The following SLC19A2 variants were observed in gnomAD, a reference collection of about 807,000 sequenced individuals.
SLC19A2 encodes thiamine transporter 1.
SLC19A2 carries 27 observed loss-of-function variants against 44.7 expected under a neutral mutation model. The observed-to-expected ratio is 0.60, with a 90% confidence interval of 0.45 to 0.83. The LOEUF (loss-of-function observed/expected upper bound fraction) is 0.83, where lower values mean the gene tolerates loss of function less well. Among genes scored for constraint, SLC19A2 ranks in the 40% least tolerant of loss-of-function variants. The pLI is 0.00. For synonymous variants in SLC19A2, 239 were observed against 243.6 expected, an observed-to-expected ratio of 0.98 and a Z score of 0.18; for missense variants, 566 against 613.7, an observed-to-expected ratio of 0.92 and a Z score of 0.82.
chr1:169,477,768 G>GAA lies in SLC19A2; in HGVS notation c.205-12_205-11insTT. The GAA allele has an allele frequency of 2.6e-6, 4 of 1,542,144 alleles. No homozygotes were observed. Among genetic ancestry groups the GAA allele is most frequent in the African/African-American group, 1.5e-5 (1 of 68,580 alleles). ...AATTTCATTGAAGACCTGGTAGAAA[G>GAA]AGAAAAAAAAAAAACAAAAAACATT... On this transcript the variant is annotated splice_polypyrimidine_tract_variant and intron_variant, in intron 1 of 5. Coordinates refer to ENST00000236137, the MANE Select transcript of SLC19A2 (RefSeq NM_006996.3).
At chr1:169,475,002 A>C (rs1182000008) in intron 2 of SLC19A2, among the ~76,000 whole-genome samples, 2 of 152,212 alleles carry the variant, frequency 1.3e-5, no homozygotes, top group Non-Finnish European at 2.9e-5. Flanking sequence ...GTTCAAGAGT[A>C]TATTTGTACA....
In SLC19A2 at chr1:169,477,304, T is replaced by C; in HGVS notation, c.658A>G (p.Ile220Val). 1.9e-6 allele frequency: 3 copies of C among 1,614,144 alleles called. No individual in the cohort carries two copies. The highest frequency in any genetic ancestry group is 1.7e-6 in the Non-Finnish European group (2 of 1,180,034). The part of the protein sequence containing the change: ...MPQKSLFFHH[I>V]PSTCQRVNGI... ...TTCACTCTCTGGCAGGTAGAAGGAA[T>C]GTGGTGAAAGAAGAGGCTCTTCTGT... The change falls in exon 2 of 6, where the codon ATT (isoleucine) becomes GTT (valine). Residue 220 changes from isoleucine (I) to valine (V), a missense_variant. Transcript: ENST00000236137.
Position 169,468,253 on chromosome 1 carries a change from CT to C in SLC19A2, c.1224-2del. The C allele has an allele frequency of 6.2e-7, 1 of 1,609,634 alleles. No individual in the cohort carries two copies. The highest frequency in any genetic ancestry group is 8.5e-7 in the Non-Finnish European group (1 of 1,177,856). The stretch of plus-strand genomic sequence containing the variant: ...GCTGAGGTTTGCAGCAATTTGAAAA[CT>C]TAAAAAAAAATAAAAGAGTGAATAA... On this transcript the variant is annotated splice_acceptor_variant, in intron 4 of 5. Transcript: ENST00000236137. LOFTEE classifies it high-confidence loss of function.
In SLC19A2 at chr1:169,465,581, C is replaced by G; in HGVS notation, c.*268G>C. The G allele has an allele frequency of 2.3e-6, 1 of 442,472 alleles. No individual in the cohort carries two copies. The highest frequency in any genetic ancestry group is 4.2e-6 in the Non-Finnish European group (1 of 239,784). The allele number at this position is 442,472 out of a possible 1,614,324, so 27.4% of individuals were successfully genotyped here. A position where few individuals can be genotyped will look rare whatever the true frequency, so the allele number is the denominator to read the frequency against. Reference sequence around the variant, plus strand: ...CATGTGCTGCTTTGATTGCTCTTGACTGGTTTTTAAAATCAAGTTCACTTT... The same window carrying G: ...CATGTGCTGCTTTGATTGCTCTTGAGTGGTTTTTAAAATCAAGTTCACTTT... On this transcript the variant is annotated 3_prime_UTR_variant, in exon 6 of 6. Transcript: ENST00000236137.
At chr1:169,472,083 C>T (rs1021101426) in intron 2 of SLC19A2, among the ~76,000 whole-genome samples, 2 of 152,154 alleles carry the variant, frequency 1.3e-5, no homozygotes, top group African/African-American at 4.8e-5. Flanking sequence ...AGAAGTACAA[C>T]ATACTGCTGT....
Position 169,480,678 on chromosome 1 carries a change from T to C in SLC19A2, c.205-2921A>G, listed in dbSNP as rs1340550203. On this transcript the variant is annotated intron_variant, in intron 1 of 5. Coordinates refer to ENST00000236137, the MANE Select transcript of SLC19A2 (RefSeq NM_006996.3). The stretch of plus-strand genomic sequence containing the variant: ...TCACAATTTCCCCAACATAGCACCA[T>C]GAAGTACTAGCCATTAAACCTTTCC... Among the ~76,000 whole-genome samples the C allele has an allele frequency of 2.0e-5, 3 of 152,136 alleles. No individual in the cohort carries two copies. The East Asian group carries it at 5.8e-4, about 29-fold the overall frequency.
intron 1 of SLC19A2, among the ~76,000 whole-genome samples, chr1:169,478,460 G>T (rs1028155397): frequency 8.1e-5 from 12 of 147,778 alleles, no homozygotes; most frequent in Non-Finnish European, 1.5e-4. Context: ...AGGCTCAGGT[G>T]ATCCTTCCAC....
intron 5 of SLC19A2, among the ~76,000 whole-genome samples, chr1:169,467,586 G>A (rs745781399): frequency 2.8e-4 from 42 of 152,092 alleles, no homozygotes; most frequent in Admixed American, 1.6e-3. Flanking sequence ...ATTCCTGAAC[G>A]TAAAAAGTAT....
rs938281333 is a variant in SLC19A2, at chr1:169,464,057, AT to A, written c.*1791del. Reference sequence around the variant, plus strand: ...GTACAACTTGCACATTGAGTTCAGCATTCTATAAATATGGCCACATACCAAG... The same window carrying A: ...GTACAACTTGCACATTGAGTTCAGCATCTATAAATATGGCCACATACCAAG... On this transcript the variant is annotated 3_prime_UTR_variant, in exon 6 of 6. Transcript: ENST00000236137. 1 of 152,726 alleles carries A rather than the reference AT, an allele frequency of 6.5e-6. No individual in the cohort carries two copies. Among genetic ancestry groups the A allele is most frequent in the African/African-American group, 2.4e-5 (1 of 41,578 alleles). The allele number at this position is 152,726 out of a possible 1,614,324, so 9.5% of individuals were successfully genotyped here.
rs1177107305 is a variant in SLC19A2 at position 169,470,299 on chromosome 1, GCTTA to G, written c.808-117_808-114del. 4.2e-5 allele frequency: 35 copies of G among 841,816 alleles called. No individual in the cohort carries two copies. In the African/African-American group the frequency reaches 5.7e-4, roughly 14 times the overall value. The allele number at this position is 841,816 out of a possible 1,614,324, so 52.1% of individuals were successfully genotyped here. Reference sequence around the variant, plus strand: ...ACTTTTTTCCTTGTGAAAACTAACTGCTTACTTCATAAACTTATTAACAAATACA... The same window carrying G: ...ACTTTTTTCCTTGTGAAAACTAACTGCTTCATAAACTTATTAACAAATACA... On this transcript the variant is annotated intron_variant, in intron 2 of 5. Coordinates refer to ENST00000236137, the MANE Select transcript of SLC19A2 (RefSeq NM_006996.3).
intron 2 of SLC19A2, among the ~76,000 whole-genome samples, chr1:169,476,396 G>A (rs1264403599): frequency 6.6e-6 from 1 of 152,178 alleles, no homozygotes; most frequent in Non-Finnish European, 1.5e-5. Flanking sequence ...TAGCACAGAA[G>A]AGGAAATTAA....
chr1:169,479,488 C>CT (rs1222978171), intron 1 of SLC19A2, among the ~76,000 whole-genome samples: 1 of 152,204 alleles, frequency 6.6e-6, no homozygotes, highest in East Asian at 1.9e-4. Context: ...TTTAGTTCCC[C>CT]TTAGCCTTAA....
At chr1:169,481,982 T>C (rs1023710645) in intron 1 of SLC19A2, among the ~76,000 whole-genome samples, 2 of 152,134 alleles carry the variant, frequency 1.3e-5, no homozygotes, top group Non-Finnish European at 2.9e-5. Flanking sequence ...GTAGATTACC[T>C]GAGGTCAGGC....
chr1:169,468,151 A>C lies in SLC19A2; in HGVS notation c.1325T>G (p.Val442Gly), dbSNP rs1184106796. The change falls in exon 5 of 6, where the codon GTG (valine) becomes GGG (glycine). Residue 442 changes from valine (V) to glycine (G), a missense_variant. Coordinates refer to ENST00000236137, the MANE Select transcript of SLC19A2 (RefSeq NM_006996.3). ...LALQTLLTLI[V>G]VDASGLGLEI... ...TAATCCAAGGCCACTGGCATCTACC[A>C]CAATTAGAGTGAGCAGCGTCTGCAG... The C allele has an allele frequency of 1.9e-6, 3 of 1,614,036 alleles. No homozygotes were observed. The highest frequency in any genetic ancestry group is 2.5e-6 in the Non-Finnish European group (3 of 1,179,914).
chr1:169,482,426 G>A (rs1279537536), intron 1 of SLC19A2, among the ~76,000 whole-genome samples: 1 of 151,054 alleles, frequency 6.6e-6, no homozygotes, highest in Non-Finnish European at 1.5e-5. Context: ...CTATAATCCT[G>A]GCTACTCAGG....
chr1:169,465,758 TA>T lies in SLC19A2; in HGVS notation c.*90del. 1 of 1,427,742 alleles carries T rather than the reference TA, an allele frequency of 7.0e-7. No individual in the cohort carries two copies. The highest frequency in any genetic ancestry group is 9.8e-7 in the Non-Finnish European group (1 of 1,021,474). 88.4% of individuals were successfully genotyped at this position (1,427,742 alleles called of 1,614,324 possible). On this transcript the variant is annotated 3_prime_UTR_variant, in exon 6 of 6. Coordinates refer to ENST00000236137, the MANE Select transcript of SLC19A2 (RefSeq NM_006996.3). ...TGTGAAGTCAAGAAATGCACATTCATAAATATATGTCTACGCTTTAAAAAAT... is the reference window on the plus strand; with the variant it reads ...TGTGAAGTCAAGAAATGCACATTCATAATATATGTCTACGCTTTAAAAAAT...
In SLC19A2 at chr1:169,463,924, G is replaced by C. The variant is rs527666245; in HGVS notation, c.*1925C>G. The C allele has an allele frequency of 6.6e-6, 1 of 151,638 alleles. No individual in the cohort carries two copies. The highest frequency in any genetic ancestry group is 2.1e-4 in the South Asian group (1 of 4,814). The allele number at this position is 151,638 out of a possible 1,614,324, so 9.4% of individuals were successfully genotyped here. A position where few individuals can be genotyped will look rare whatever the true frequency, so the allele number is the denominator to read the frequency against. On this transcript the variant is annotated 3_prime_UTR_variant, in exon 6 of 6. Transcript: ENST00000236137. ...TTTAAAACAATTTTGATTAAAAAGA[G>C]AAAATATACTGTAAAATATTTATTT...
chr1:169,481,557 T>C lies in SLC19A2; in HGVS notation c.205-3800A>G, dbSNP rs898669636. ...TCCTTTTCTTTTTCAGTGTTTCCAA[T>C]GACAGCAAAAAATGCTTCCTTGATA... is the stretch of plus-strand genomic sequence containing the variant. On this transcript the variant is annotated intron_variant, in intron 1 of 5. Transcript: ENST00000236137. Among the ~76,000 whole-genome samples, 9 of 152,296 alleles carry C rather than the reference T, an allele frequency of 5.9e-5. No homozygotes were observed. In the South Asian group the frequency reaches 1.5e-3, roughly 25 times the overall value.
chr1:169,485,877 C>T lies in SLC19A2; in HGVS notation c.-111G>A. 1 of 1,272,954 alleles carries T rather than the reference C, an allele frequency of 7.9e-7. No individual in the cohort carries two copies. 78.9% of individuals were successfully genotyped at this position (1,272,954 alleles called of 1,614,324 possible). ...CGAGTGACGCCTTCTCCCTGTAAGG[C>T]CAGGACGTTCTGGACTCGCCGCCGC... On this transcript the variant is annotated 5_prime_UTR_variant, in exon 1 of 6. Transcript: ENST00000236137.
Sources: gnomAD v4.1 joint callset for allele counts (sites outside exome capture counted in the v4.1 genomes callset) on GRCh38, gnomAD v4.1.1 for gene constraint, MANE v1.5 for transcripts, NCBI Gene and HGNC (gene_info 2026-07-23, HGNC 2026-07-21) for gene names.